The following ABHD2 variants were observed in gnomAD, a reference collection of about 807,000 sequenced individuals.
ABHD2 encodes the protein monoacylglycerol lipase ABHD2.
In ABHD2, 20 loss-of-function variants were observed where a neutral mutation model predicts 48.1. The observed-to-expected ratio is 0.42, with a 90% CI of 0.29 to 0.60. ABHD2 has a LOEUF of 0.60. Ranked by LOEUF, ABHD2 falls within the 20% of genes least tolerant of loss-of-function variation. The pLI is 0.24. For synonymous variants in ABHD2, 209 were observed against 214.2 expected (o/e 0.98, Z 0.21); for missense variants, 405 against 550.9 (o/e 0.74, Z 2.65).
At chr15:89,042,685 C>T in the ABHD2 span, among the ~76,000 whole-genome samples, 4 of 150,952 alleles carry the variant, frequency 2.6e-5, no homozygotes, top group South Asian at 2.1e-4. Context: ...CTTGCTCTGT[C>T]GCCCAGACTG....
In ABHD2 at chr15:89,131,087, C is replaced by T. The variant is rs12915983; in HGVS notation, c.194+14566C>T. Reference sequence around the variant, plus strand: ...AATAGCTTTCCCTCCATTCTCTACCCTTTCTAATTGATCTTGCAGGCCACC... The same window carrying T: ...AATAGCTTTCCCTCCATTCTCTACCTTTTCTAATTGATCTTGCAGGCCACC... On this transcript the variant is annotated intron_variant, in intron 3 of 10. Coordinates refer to ENST00000352732, the MANE Select transcript of ABHD2 (RefSeq NM_152924.5). 5.7e-3 allele frequency among the ~76,000 whole-genome samples: 865 copies of T among 152,294 alleles called. 9 individuals carry two copies. The highest frequency in any genetic ancestry group is 0.01 in the Non-Finnish European group (683 of 68,034).
chr15:89,192,306 C>T (rs946398909), intron 9 of ABHD2, among the ~76,000 whole-genome samples: 1 of 152,168 alleles, frequency 6.6e-6, no homozygotes, highest in Non-Finnish European at 1.5e-5. Flanking sequence ...ACATCAGAGA[C>T]CTACAGGATA....
chr15:89,104,988 C>T lies in ABHD2; in HGVS notation c.-106-8737C>T, dbSNP rs931349928. ...TTTTAAAAATATGTTTAGGATAAATCTCACAATTCATATGCCTGTTCTCTT... is the reference window on the plus strand; with the variant it reads ...TTTTAAAAATATGTTTAGGATAAATTTCACAATTCATATGCCTGTTCTCTT... On this transcript the variant is annotated intron_variant, in intron 1 of 10. Coordinates refer to ENST00000352732, the MANE Select transcript of ABHD2 (RefSeq NM_152924.5). This position sits in a 1 kb window ranked among gnomAD's most constrained non-coding sequence, Gnocchi z 4.4. 1.3e-5 allele frequency among the ~76,000 whole-genome samples: 2 copies of T among 150,962 alleles called. No homozygotes were observed. Among genetic ancestry groups the T allele is most frequent in the African/African-American group, 4.9e-5 (2 of 40,938 alleles).
chr15:89,053,008 C>A, the ABHD2 span, among the ~76,000 whole-genome samples: 35 of 149,572 alleles, frequency 2.3e-4, no homozygotes, highest in African/African-American at 8.6e-4. Context: ...CACTCTGCTG[C>A]CCAGGCTGTA....
At position 89,182,697 on chromosome 15, in the gene ABHD2, G is replaced by T. The variant is rs986067215; in HGVS notation, c.723-2727G>T. Among the ~76,000 whole-genome samples the T allele has an allele frequency of 5.3e-5, 8 of 152,222 alleles. No individual in the cohort carries two copies. The highest frequency in any genetic ancestry group is 5.2e-4 in the Admixed American group (8 of 15,280). ...AGTCCCAGCTACTCGGGAGTCTGAAGCAGGAGAATCGCTTGAACCCAGGAG... is the reference window on the plus strand; with the variant it reads ...AGTCCCAGCTACTCGGGAGTCTGAATCAGGAGAATCGCTTGAACCCAGGAG... On this transcript the variant is annotated intron_variant, in intron 6 of 10. Coordinates refer to ENST00000352732, the MANE Select transcript of ABHD2 (RefSeq NM_152924.5). The surrounding 1 kb of genome is among the most constrained non-coding windows in gnomAD (Gnocchi z 4.8).
At chr15:89,190,645 C>G (rs2051288462) in intron 8 of ABHD2, among the ~76,000 whole-genome samples, 1 of 152,120 alleles carries the variant, frequency 6.6e-6, no homozygotes, top group South Asian at 2.1e-4. Flanking sequence ...ACAATTACTA[C>G]AGGGTAATTA....
intron 3 of ABHD2, among the ~76,000 whole-genome samples, chr15:89,130,065 C>G (rs1315692376): frequency 6.6e-6 from 1 of 152,064 alleles, no homozygotes. Flanking sequence ...AATGTTAAGA[C>G]TTGGTAACAA....
the ABHD2 span, among the ~76,000 whole-genome samples, chr15:89,061,027 C>A: frequency 0.012 from 1,877 of 152,014 alleles, 37 homozygotes; most frequent in African/African-American, 0.044. Context: ...ATAAGTAGAG[C>A]TAAACAATGG....
rs1403080592 is a variant in ABHD2, at chr15:89,151,758, A to G, written c.276A>G (p.Pro92=). 3 of 1,614,244 alleles carry G rather than the reference A, an allele frequency of 1.9e-6. No homozygotes were observed. Among genetic ancestry groups the G allele is most frequent in the South Asian group, 1.1e-5 (1 of 91,090 alleles). The change falls in exon 4 of 11, where the codon CCA becomes CCG. Residue 92 remains proline, a synonymous_variant. Transcript: ENST00000352732. The surrounding 1 kb of genome is among the most constrained non-coding windows in gnomAD (Gnocchi z 4.7). ...LYGKMGRVRS[P]HPYGHRKFIT... ...GGAAGATGGGAAGGGTGAGGTCGCC[A>G]CATCCTTATGGGCACCGGAAGTTCA...
intron 5 of ABHD2, among the ~76,000 whole-genome samples, chr15:89,158,466 G>A (rs913893475): frequency 1.3e-5 from 2 of 152,196 alleles, no homozygotes; most frequent in African/African-American, 4.8e-5. Flanking sequence ...CTGAAGAGCA[G>A]AGAAGAATAG....
intron 1 of ABHD2, among the ~76,000 whole-genome samples, chr15:89,110,892 C>G (rs1436130200): frequency 6.6e-6 from 1 of 152,196 alleles, no homozygotes; most frequent in Non-Finnish European, 1.5e-5. Context: ...TCACATCACT[C>G]AAGGTCCCCT....
intron 5 of ABHD2, among the ~76,000 whole-genome samples, chr15:89,162,346 G>T (rs994780647): frequency 1.8e-4 from 28 of 152,022 alleles, no homozygotes; most frequent in African/African-American, 6.8e-4. Context: ...TATTGCAATT[G>T]GCTGATAGGT....
rs138798788 is a variant in ABHD2 at position 89,201,054 on chromosome 15, C to T, written c.*5631C>T. The T allele has an allele frequency of 6.0e-5, 45 of 748,534 alleles. No homozygotes were observed. In the Middle Eastern group the frequency reaches 1.4e-3, roughly 23 times the overall value. The allele number at this position is 748,534 out of a possible 1,614,324, so 46.4% of individuals were successfully genotyped here. On this transcript the variant is annotated 3_prime_UTR_variant, in exon 11 of 11. Transcript: ENST00000352732. ...CCGAGATCACGCCTCTGCACTCCAG[C>T]CTGGGCAACAAGAGTGAGACTCCGT...
chr15:89,044,965 A>G, the ABHD2 span, among the ~76,000 whole-genome samples: 3,876 of 150,960 alleles, frequency 0.026, 72 homozygotes, highest in Non-Finnish European at 0.039. Context: ...TGTTTTAGAC[A>G]TGAAGTCCTT....
At chr15:89,159,355 C>A (rs1250885465) in intron 5 of ABHD2, among the ~76,000 whole-genome samples, 1 of 152,052 alleles carries the variant, frequency 6.6e-6, no homozygotes, top group East Asian at 1.9e-4. Flanking sequence ...TCAGCCTGGG[C>A]AACAGAGCGA....
intron 3 of ABHD2, among the ~76,000 whole-genome samples, chr15:89,140,105 A>G (rs985933651): frequency 6.6e-6 from 1 of 152,216 alleles, no homozygotes; most frequent in Non-Finnish European, 1.5e-5. Context: ...GTCTGAGGGC[A>G]GAGTGTAAAG....
intron 3 of ABHD2, among the ~76,000 whole-genome samples, chr15:89,123,409 T>C (rs1482215703): frequency 6.6e-6 from 1 of 152,182 alleles, no homozygotes; most frequent in Non-Finnish European, 1.5e-5. Flanking sequence ...TCCATCAGCC[T>C]TGGTTAGTGA....
At chr15:89,141,676 C>T (rs866292531) in intron 3 of ABHD2, among the ~76,000 whole-genome samples, 1 of 152,088 alleles carries the variant, frequency 6.6e-6, no homozygotes, top group African/African-American at 2.4e-5. Flanking sequence ...CCTGAGTGAT[C>T]CCCCTTTGTT....
chr15:89,188,654 G>A lies in ABHD2; in HGVS notation c.926+351G>A, dbSNP rs1478577253. Among the ~76,000 whole-genome samples the A allele has an allele frequency of 6.6e-6, 1 of 152,138 alleles. No individual in the cohort carries two copies. The highest frequency in any genetic ancestry group is 1.5e-5 in the Non-Finnish European group (1 of 68,030). The stretch of plus-strand genomic sequence containing the variant: ...CAAGTGTCAGGTGCCACATAAATCT[G>A]CATTTCGCAGTGGAGTAAAAGGCAA... On this transcript the variant is annotated intron_variant, in intron 8 of 10. Coordinates refer to ENST00000352732, the MANE Select transcript of ABHD2 (RefSeq NM_152924.5). The surrounding 1 kb of genome is among the most constrained non-coding windows in gnomAD (Gnocchi z 4.1).
Sources: allele counts gnomAD v4.1 joint callset (sites outside exome capture counted in the v4.1 genomes callset), GRCh38; gene constraint gnomAD v4.1.1; non-coding constraint Gnocchi (gnomAD v3.1); transcripts MANE v1.5; gene names NCBI Gene and HGNC (gene_info 2026-07-23, HGNC 2026-07-21).